The following EEPD1 variants were observed in gnomAD, a reference collection of about 807,000 sequenced individuals.
EEPD1 encodes endonuclease/exonuclease/phosphatase family domain containing 1.
In EEPD1, 17 loss-of-function variants were observed where a neutral mutation model predicts 46.3. That is an observed-to-expected ratio of 0.37 (90% confidence interval 0.25 to 0.55). The LOEUF (loss-of-function observed/expected upper bound fraction) is 0.55. Among genes scored for constraint, EEPD1 ranks in the 20% least tolerant of loss-of-function variants. The probability of loss-of-function intolerance (pLI) is 0.83; values close to 1 mark genes in which losing one functional copy is unlikely to be tolerated. For synonymous variants in EEPD1, 313 were observed against 315.6 expected (o/e 0.99, Z 0.09); for missense variants, 673 against 745.6 (o/e 0.90, Z 1.13).
chr7:36,245,133 A>G (rs1193175430), intron 3 of EEPD1, among the ~76,000 whole-genome samples: 1 of 151,950 alleles, frequency 6.6e-6, no homozygotes, highest in Non-Finnish European at 1.5e-5. Context: ...TTTTTATTAG[A>G]GATGGGATCT....
intron 2 of EEPD1, among the ~76,000 whole-genome samples, chr7:36,198,342 G>GAAAAAAAAAAAA (rs1361024411): frequency 9.1e-5 from 3 of 33,100 alleles, no homozygotes; most frequent in Non-Finnish European, 1.1e-4. Flanking sequence ...AAAAAGAAAA[G>GAAAAAAAAAAAA]AAAAAAAAAA....
At chr7:36,281,609 G>C (rs973217035) in intron 4 of EEPD1, among the ~76,000 whole-genome samples, 1 of 152,190 alleles carries the variant, frequency 6.6e-6, no homozygotes, top group Non-Finnish European at 1.5e-5. Context: ...TGAAGTATTT[G>C]CTTCTAGTGG....
In EEPD1 at chr7:36,281,132, C is replaced by T. The variant is rs1285492821; in HGVS notation, c.948C>T (p.Asn316=). ...EALEKFCTEL[N]QPTLPNIRKW... is the part of the protein sequence containing the mutation. ...CTTTGCAGTTCTGCACGGAGCTAAACCAGCCGACCCTGCCCAACATCCGCA... is the reference window on the plus strand; with the variant it reads ...CTTTGCAGTTCTGCACGGAGCTAAATCAGCCGACCCTGCCCAACATCCGCA... Residue 316 remains asparagine, a synonymous_variant, in exon 4 of 8, where the codon AAC becomes AAT. Coordinates refer to ENST00000242108, the MANE Select transcript of EEPD1 (RefSeq NM_030636.3). 6.2e-7 allele frequency: 1 copy of T among 1,614,120 alleles called. No individual in the cohort carries two copies. Among genetic ancestry groups the T allele is most frequent in the African/African-American group, 1.3e-5 (1 of 75,046 alleles).
intron 3 of EEPD1, among the ~76,000 whole-genome samples, chr7:36,260,179 C>T (rs1382089681): frequency 6.6e-6 from 1 of 152,200 alleles, no homozygotes; most frequent in Non-Finnish European, 1.5e-5. Context: ...AGGGATTCCA[C>T]TTGGTCTGGG....
chr7:36,161,929 A>G (rs1298973047), intron 2 of EEPD1, among the ~76,000 whole-genome samples: 1 of 151,708 alleles, frequency 6.6e-6, no homozygotes, highest in African/African-American at 2.4e-5. Flanking sequence ...ACTCTACCTT[A>G]CAAAGGATTT....
At chr7:36,242,877 C>T (rs1786577259) in intron 3 of EEPD1, among the ~76,000 whole-genome samples, 2 of 151,680 alleles carry the variant, frequency 1.3e-5, no homozygotes. Context: ...TGCAGTGAGC[C>T]GAGATCGCCC....
chr7:36,183,484 G>A (rs759410), intron 2 of EEPD1, among the ~76,000 whole-genome samples: 124,267 of 151,852 alleles, frequency 0.82, 52,494 homozygotes, highest in Non-Finnish European at 0.92. Flanking sequence ...GTGCTGTAGG[G>A]ATGTTGTCAA....
chr7:36,260,315 T>C (rs772314690), intron 3 of EEPD1, among the ~76,000 whole-genome samples: 3 of 152,276 alleles, frequency 2.0e-5, no homozygotes, highest in Non-Finnish European at 4.4e-5. Context: ...ATAGTTTTCC[T>C]GGATGTAAGA....
chr7:36,190,849 C>T (rs148825000), intron 2 of EEPD1, among the ~76,000 whole-genome samples: 155 of 152,318 alleles, frequency 1.0e-3, no homozygotes, highest in African/African-American at 3.3e-3. Flanking sequence ...GGGTAAGGGT[C>T]GTTATCCTTC....
intron 2 of EEPD1, among the ~76,000 whole-genome samples, chr7:36,236,370 G>C (rs545295334): frequency 2.0e-5 from 3 of 152,360 alleles, no homozygotes; most frequent in African/African-American, 4.8e-5. Flanking sequence ...CGCACTAGGC[G>C]CCGCCGGCCG....
At chr7:36,255,978 C>T (rs1460989404) in intron 3 of EEPD1, among the ~76,000 whole-genome samples, 1 of 152,192 alleles carries the variant, frequency 6.6e-6, no homozygotes, top group Non-Finnish European at 1.5e-5. Context: ...ATAAATTTCC[C>T]TCTAAACACT....
At chr7:36,296,961 T>G in intron 6 of EEPD1, 32 bp from the exon 7 acceptor site, 1 of 1,611,266 alleles carries the variant, frequency 6.2e-7, no homozygotes, top group Non-Finnish European at 8.5e-7. Context: ...TCCCAACAAC[T>G]CTTAAACTCA....
At chr7:36,276,498 G>A (rs1187398856) in intron 3 of EEPD1, among the ~76,000 whole-genome samples, 1 of 152,038 alleles carries the variant, frequency 6.6e-6, no homozygotes, top group African/African-American at 2.4e-5. Context: ...ATAGTGTGAC[G>A]GGCTCAGTAT....
rs538463593 is a variant in EEPD1, at chr7:36,275,929, C to T, written c.931-5186C>T. 9.2e-5 allele frequency among the ~76,000 whole-genome samples: 14 copies of T among 152,258 alleles called. No homozygotes were observed. In the South Asian group the frequency reaches 1.0e-3, roughly 11 times the overall value. On this transcript the variant is annotated intron_variant, in intron 3 of 7. Transcript: ENST00000242108. ...TGTCACTGCAGAGTCACCTGATCCA[C>T]GGCCGACCCAAGATACAACACAGCT...
chr7:36,169,065 T>C (rs1785037040), intron 2 of EEPD1, among the ~76,000 whole-genome samples: 1 of 152,226 alleles, frequency 6.6e-6, no homozygotes, highest in South Asian at 2.1e-4. Context: ...TTCTTAATAG[T>C]TGAATAATTT....
intron 2 of EEPD1, among the ~76,000 whole-genome samples, chr7:36,173,091 A>C (rs992797389): frequency 2.0e-5 from 3 of 152,104 alleles, no homozygotes; most frequent in Admixed American, 2.0e-4. Flanking sequence ...GTCCCCACCC[A>C]AATCTCTTCT....
intron 4 of EEPD1, among the ~76,000 whole-genome samples, chr7:36,284,030 G>C (rs1787301754): frequency 6.6e-6 from 1 of 152,214 alleles, no homozygotes. Flanking sequence ...AGAGCAGCAG[G>C]GTTTAACACT....
intron 2 of EEPD1, among the ~76,000 whole-genome samples, chr7:36,180,929 G>T (rs1264468656): frequency 6.7e-6 from 1 of 150,086 alleles, no homozygotes; most frequent in African/African-American, 2.5e-5. Context: ...CCTCTTCCCT[G>T]CTGCCGGCTC....
chr7:36,264,565 G>A (rs1475297358), intron 3 of EEPD1, among the ~76,000 whole-genome samples: 2 of 152,168 alleles, frequency 1.3e-5, no homozygotes, highest in African/African-American at 4.8e-5. Flanking sequence ...TGGCCTGCAG[G>A]ACACTGTCAT....
Sources: allele counts gnomAD v4.1 joint callset (sites outside exome capture counted in the v4.1 genomes callset), GRCh38; gene constraint gnomAD v4.1.1; transcripts MANE v1.5; gene names NCBI Gene and HGNC (gene_info 2026-07-23, HGNC 2026-07-21).